PDE4D: variants seen among roughly 807,000 people sequenced by gnomAD.
The protein encoded by PDE4D is phosphodiesterase 4D, also known as 3',5'-cyclic-AMP phosphodiesterase 4D.
In PDE4D, 24 loss-of-function variants were observed where a neutral mutation model predicts 87.4. The ratio of observed to expected loss-of-function variants is 0.27; its 90% CI spans 0.20 to 0.39. PDE4D has a LOEUF of 0.39. PDE4D is among the 10% of genes least tolerant of loss of function. PDE4D has a pLI of 1.00. For synonymous variants in PDE4D, 384 were observed against 383.2 expected (o/e 1.00, Z -0.02); for missense variants, 714 against 1,041.0 (o/e 0.69, Z 4.32).
At chr5:59,817,660 C>G (rs1769127440) in intron 1 of PDE4D, among the ~76,000 whole-genome samples, 1 of 152,000 alleles carries the variant, frequency 6.6e-6, no homozygotes, top group Admixed American at 6.6e-5. Flanking sequence ...GGGTCCTAAT[C>G]TGACCTTATA....
intron 1 of PDE4D, among the ~76,000 whole-genome samples, chr5:59,865,222 T>C (rs1417524820): frequency 6.6e-6 from 1 of 152,196 alleles, no homozygotes; most frequent in Non-Finnish European, 1.5e-5. Context: ...AAACAATGTT[T>C]AGAATTCTTC....
intron 5 of PDE4D, among the ~76,000 whole-genome samples, chr5:59,177,079 G>A (rs561236002): frequency 1.2e-3 from 190 of 152,220 alleles, no homozygotes; most frequent in South Asian, 6.9e-3. Flanking sequence ...GTGCTTGTGT[G>A]CCCCTAAAAT....
chr5:59,907,892 C>A lies in PDE4D; in HGVS notation c.272+80596G>T, dbSNP rs572766685. 3.9e-5 allele frequency among the ~76,000 whole-genome samples: 6 copies of A among 152,040 alleles called. No homozygotes were observed. In the South Asian group the frequency reaches 1.2e-3, roughly 32 times the overall value. On this transcript the variant is annotated intron_variant, in intron 3 of 16. Coordinates refer to the PDE4D transcript ENST00000502484. Reference sequence around the variant, plus strand: ...CAAATTGCTGTTTGTTCTCAGCCTTCTTTTGCTTGTCCTCTTAGCTGAAAC... The same window carrying A: ...CAAATTGCTGTTTGTTCTCAGCCTTATTTTGCTTGTCCTCTTAGCTGAAAC...
chr5:59,423,425 T>C (rs1013684652), intron 1 of PDE4D, among the ~76,000 whole-genome samples: 2 of 152,190 alleles, frequency 1.3e-5, no homozygotes, highest in South Asian at 2.1e-4. Context: ...ATTCATTCTT[T>C]TCCATTCCAA....
chr5:60,302,460 G>T (rs1365832252), intron 1 of PDE4D, among the ~76,000 whole-genome samples: 1 of 152,156 alleles, frequency 6.6e-6, no homozygotes, highest in Non-Finnish European at 1.5e-5. Flanking sequence ...ATACATAGAG[G>T]TGTTTAAAGT....
intron 6 of PDE4D, among the ~76,000 whole-genome samples, chr5:59,003,050 A>G (rs1207636935): frequency 2.6e-5 from 4 of 152,156 alleles, no homozygotes; most frequent in Admixed American, 2.6e-4. Context: ...TATATATGTT[A>G]TATTTCCTTT....
chr5:60,209,928 A>T (rs1375892995), intron 1 of PDE4D, among the ~76,000 whole-genome samples: 2 of 152,186 alleles, frequency 1.3e-5, no homozygotes, highest in Non-Finnish European at 2.9e-5. Context: ...TAAGTAAGTA[A>T]ATTACTTATT....
chr5:59,308,790 G>A (rs1218803862), intron 1 of PDE4D, among the ~76,000 whole-genome samples: 1 of 151,984 alleles, frequency 6.6e-6, no homozygotes, highest in East Asian at 1.9e-4. Context: ...GTAGTATGGG[G>A]AGGAACCCTA....
chr5:59,867,693 A>G (rs1747244298), intron 1 of PDE4D, among the ~76,000 whole-genome samples: 1 of 152,196 alleles, frequency 6.6e-6, no homozygotes, highest in African/African-American at 2.4e-5. Flanking sequence ...ACAGACTCCA[A>G]CAGGAGTCTG....
intron 1 of PDE4D, among the ~76,000 whole-genome samples, chr5:59,283,313 G>A (rs1766210094): frequency 6.6e-6 from 1 of 152,028 alleles, no homozygotes; most frequent in Non-Finnish European, 1.5e-5. Context: ...TCTTCCTTTG[G>A]ATCCTGTCCC....
intron 2 of PDE4D, among the ~76,000 whole-genome samples, chr5:60,051,263 G>A (rs1770114097): frequency 6.6e-6 from 1 of 152,040 alleles, no homozygotes; most frequent in Admixed American, 6.6e-5. Flanking sequence ...TTGTCACACT[G>A]ATTCTAAAAT....
chr5:58,980,009 A>G (rs966336473), intron 11 of PDE4D, among the ~76,000 whole-genome samples: 5 of 152,192 alleles, frequency 3.3e-5, no homozygotes, highest in African/African-American at 9.6e-5. Flanking sequence ...CATTTAGAGG[A>G]TTTAGGTGCC....
At chr5:59,992,397 T>C (rs1186432096) in intron 2 of PDE4D, among the ~76,000 whole-genome samples, 4 of 152,152 alleles carry the variant, frequency 2.6e-5, no homozygotes, top group Non-Finnish European at 5.9e-5. Context: ...ATCGTGTGAG[T>C]CAATACTCCT....
intron 1 of PDE4D, among the ~76,000 whole-genome samples, chr5:59,458,318 G>T (rs77996343): frequency 0.018 from 2,812 of 152,258 alleles, 91 homozygotes; most frequent in African/African-American, 0.065. Flanking sequence ...TACATATTTG[G>T]TGAAAGAATC....
At chr5:59,954,726 C>G (rs372676424) in intron 3 of PDE4D, among the ~76,000 whole-genome samples, 5 of 152,242 alleles carry the variant, frequency 3.3e-5, no homozygotes, top group African/African-American at 1.2e-4. Context: ...GAAAGATTCA[C>G]AAGAATGCCA....
Position 58,991,916 on chromosome 5 carries a change from C to G in PDE4D, c.1104G>C (p.Lys368Asn), listed in dbSNP as rs770694049. ...TCAGACTAGAGCTGTGCATCAATTT[C>G]TTGACTCCACTGATCTGAGACATTG... ...KRPMSQISGV[K>N]KLMHSSSLTN... The change falls in exon 8 of 15, where the codon AAG (lysine) becomes AAC (asparagine). Residue 368 changes from lysine (K) to asparagine (N), a missense_variant. Physicochemically the swap from Lys to Asn is moderately conservative, Grantham distance 94. Transcript: ENST00000340635. 6.2e-7 allele frequency: 1 copy of G among 1,606,792 alleles called. No homozygotes were observed.
intron 2 of PDE4D, among the ~76,000 whole-genome samples, chr5:60,077,090 TTC>T (rs967930212): frequency 6.6e-6 from 1 of 152,202 alleles, no homozygotes; most frequent in Non-Finnish European, 1.5e-5. Flanking sequence ...GACTCTGCTG[TTC>T]TCTGTGTCCA....
chr5:60,476,647 T>C (rs1464807709), intron 1 of PDE4D, among the ~76,000 whole-genome samples: 5 of 152,150 alleles, frequency 3.3e-5, no homozygotes, highest in Non-Finnish European at 7.4e-5. Flanking sequence ...CTTCTTTCCA[T>C]TGGAAGTACA....
intron 6 of PDE4D, among the ~76,000 whole-genome samples, chr5:59,037,114 C>T (rs958027747): frequency 6.6e-6 from 1 of 152,110 alleles, no homozygotes; most frequent in African/African-American, 2.4e-5. Flanking sequence ...AGATTAATTC[C>T]TTGACAGCTG....
Sources: allele counts gnomAD v4.1 joint callset (sites outside exome capture counted in the v4.1 genomes callset), GRCh38; gene constraint gnomAD v4.1.1; transcripts MANE v1.5; gene names NCBI Gene and HGNC (gene_info 2026-07-23, HGNC 2026-07-21).